Variants in THSD7B observed in about 807,000 individuals in gnomAD.
The protein encoded by THSD7B is thrombospondin type 1 domain containing 7B.
THSD7B carries 138 observed loss-of-function variants against 213.6 expected under a neutral mutation model. The ratio of observed to expected loss-of-function variants is 0.65; its 90% confidence interval spans 0.56 to 0.74. The LOEUF (loss-of-function observed/expected upper bound fraction) is 0.74. Ranked by LOEUF, THSD7B falls within the 30% of genes least tolerant of loss-of-function variation. THSD7B has a pLI of 0.00. For missense variants in THSD7B, 1,931 were observed against 1,991.5 expected (o/e 0.97, Z 0.58); for synonymous variants, 742 against 687.0 (o/e 1.08, Z -1.25).
chr2:137,566,215 A>T (rs1681236332), intron 16 of THSD7B, among the ~76,000 whole-genome samples: 1 of 152,216 alleles, frequency 6.6e-6, no homozygotes, highest in South Asian at 2.1e-4. Context: ...TGTCCTAAGC[A>T]CATCAGATAA....
intron 2 of THSD7B, among the ~76,000 whole-genome samples, chr2:136,921,558 G>A (rs1684438755): frequency 6.6e-6 from 1 of 152,086 alleles, no homozygotes; most frequent in Non-Finnish European, 1.5e-5. Context: ...AAGGTAGAAT[G>A]TTTCAGATTC....
chr2:137,004,024 C>G (rs528016561), intron 2 of THSD7B, among the ~76,000 whole-genome samples: 4 of 152,200 alleles, frequency 2.6e-5, no homozygotes, highest in African/African-American at 9.6e-5. Context: ...CTGTTGCTTC[C>G]TAAAGGAAAT....
chr2:137,318,938 G>A (rs567893296), intron 12 of THSD7B, among the ~76,000 whole-genome samples: 28 of 151,486 alleles, frequency 1.8e-4, no homozygotes, highest in Admixed American at 1.1e-3. Flanking sequence ...ACAGGCACCC[G>A]CTTATCTTAA....
intron 12 of THSD7B, among the ~76,000 whole-genome samples, chr2:137,352,893 A>G (rs1169382585): frequency 6.6e-6 from 1 of 152,014 alleles, no homozygotes; most frequent in Non-Finnish European, 1.5e-5. Context: ...TTAGAGCCAT[A>G]CATATATTAT....
chr2:136,966,541 T>C (rs1488110224), intron 2 of THSD7B, among the ~76,000 whole-genome samples: 1 of 152,208 alleles, frequency 6.6e-6, no homozygotes, highest in Non-Finnish European at 1.5e-5. Context: ...AATCAGTCTT[T>C]TTTATTTTTA....
chr2:137,337,083 T>C (rs1037757619), intron 12 of THSD7B, among the ~76,000 whole-genome samples: 4 of 151,490 alleles, frequency 2.6e-5, no homozygotes, highest in Non-Finnish European at 5.9e-5. Context: ...TACCAAATAA[T>C]ATATATATTA....
chr2:137,669,403 G>T (rs1229007941), intron 27 of THSD7B, among the ~76,000 whole-genome samples: 2 of 130,100 alleles, frequency 1.5e-5, no homozygotes, highest in Non-Finnish European at 3.2e-5. Context: ...GTAGTGAAAA[G>T]TTCATCTTCA....
intron 12 of THSD7B, among the ~76,000 whole-genome samples, chr2:137,374,135 T>A (rs1298521685): frequency 6.6e-6 from 1 of 151,614 alleles, no homozygotes; most frequent in Non-Finnish European, 1.5e-5. Flanking sequence ...AGGTCATACA[T>A]AGCTCTGTGG....
intron 1 of THSD7B, among the ~76,000 whole-genome samples, chr2:136,848,793 A>C (rs1683050190): frequency 6.6e-6 from 1 of 152,182 alleles, no homozygotes; most frequent in East Asian, 1.9e-4. Flanking sequence ...AAATTGAACA[A>C]GACTTTTGGT....
chr2:136,828,786 G>T (rs1025575226), intron 1 of THSD7B, among the ~76,000 whole-genome samples: 7 of 152,144 alleles, frequency 4.6e-5, no homozygotes, highest in Non-Finnish European at 4.4e-5. Flanking sequence ...TAGTATGAGG[G>T]TCACTTCTTC....
At chr2:137,496,246 A>G (rs550849687) in intron 15 of THSD7B, among the ~76,000 whole-genome samples, 1 of 152,170 alleles carries the variant, frequency 6.6e-6, no homozygotes, top group African/African-American at 2.4e-5. Flanking sequence ...TCCAGGTCCA[A>G]TGCTCTTAGC....
At chr2:136,896,604 C>A (rs1479313999) in intron 2 of THSD7B, among the ~76,000 whole-genome samples, 1 of 152,022 alleles carries the variant, frequency 6.6e-6, no homozygotes, top group East Asian at 1.9e-4. Flanking sequence ...GGTCTTTTAT[C>A]TAAGAAATCT....
At chr2:137,337,015 T>C (rs1183673899) in intron 12 of THSD7B, among the ~76,000 whole-genome samples, 1 of 151,586 alleles carries the variant, frequency 6.6e-6, no homozygotes, top group Admixed American at 6.6e-5. Flanking sequence ...CCTTTCCCTG[T>C]TGTTAACATC....
At chr2:137,532,381 T>C (rs945534793) in intron 15 of THSD7B, among the ~76,000 whole-genome samples, 2 of 151,858 alleles carry the variant, frequency 1.3e-5, no homozygotes, top group African/African-American at 4.8e-5. Context: ...AATCTAGTTA[T>C]AGAAAAGGCA....
intron 2 of THSD7B, among the ~76,000 whole-genome samples, chr2:136,922,060 C>T (rs1165904857): frequency 6.6e-6 from 1 of 152,160 alleles, no homozygotes; most frequent in Non-Finnish European, 1.5e-5. Flanking sequence ...GCATTGTTCT[C>T]TTATTTCCCC....
At chr2:136,851,358 C>T (rs1189301097) in intron 1 of THSD7B, among the ~76,000 whole-genome samples, 2 of 152,114 alleles carry the variant, frequency 1.3e-5, no homozygotes, top group African/African-American at 4.8e-5. Context: ...CCCCATGTCT[C>T]TTAACAGCAG....
At chr2:137,078,531 T>A (rs1168225608) in intron 3 of THSD7B, among the ~76,000 whole-genome samples, 1 of 152,186 alleles carries the variant, frequency 6.6e-6, no homozygotes, top group Non-Finnish European at 1.5e-5. Flanking sequence ...GTAATTTGCC[T>A]GTTTGGTTTA....
intron 12 of THSD7B, among the ~76,000 whole-genome samples, chr2:137,303,170 A>G (rs1340161365): frequency 1.3e-5 from 2 of 152,158 alleles, no homozygotes; most frequent in African/African-American, 4.8e-5. Flanking sequence ...ACAAGTGCCC[A>G]CTGCCGCACA....
At chr2:137,110,699 C>T (rs1160474418) in intron 4 of THSD7B, among the ~76,000 whole-genome samples, 2 of 152,172 alleles carry the variant, frequency 1.3e-5, no homozygotes, top group African/African-American at 4.8e-5. Flanking sequence ...TGAATTTACA[C>T]AATTAGAGAT....
Sources: allele counts gnomAD v4.1 joint callset (sites outside exome capture counted in the v4.1 genomes callset), GRCh38; gene constraint gnomAD v4.1.1; transcripts MANE v1.5; gene names NCBI Gene and HGNC (gene_info 2026-07-23, HGNC 2026-07-21).